The following THEMIS variants were observed in gnomAD, a reference collection of about 807,000 sequenced individuals.
THEMIS encodes protein THEMIS.
A neutral mutation model predicts 52.6 loss-of-function variants in THEMIS; 37 were observed. That is an observed-to-expected ratio of 0.70 (90% confidence interval 0.54 to 0.93). The LOEUF (loss-of-function observed/expected upper bound fraction) is 0.93. Ranked by LOEUF, THEMIS falls within the 40% of genes least tolerant of loss-of-function variation. The probability of loss-of-function intolerance (pLI) is 0.00; values close to 1 mark genes in which losing one functional copy is unlikely to be tolerated. For missense variants in THEMIS, 808 were observed against 763.1 expected (o/e 1.06, Z -0.69); for synonymous variants, 292 against 272.7 (o/e 1.07, Z -0.70).
Position 127,829,241 on chromosome 6 carries a change from T to C in THEMIS, c.709+235A>G, listed in dbSNP as rs560705838. Among the ~76,000 whole-genome samples the C allele has an allele frequency of 2.2e-4, 34 of 152,362 alleles. 1 individual carries two copies. In the South Asian group the frequency reaches 6.4e-3, roughly 29 times the overall value. Reference sequence around the variant, plus strand: ...TTGATCTGTCTGTTCCTGATAGTTATAGCACCTCATATGTGAATAGCACCA... The same window carrying C: ...TTGATCTGTCTGTTCCTGATAGTTACAGCACCTCATATGTGAATAGCACCA... On this transcript the variant is annotated intron_variant, in intron 3 of 5. Coordinates refer to ENST00000368248, the MANE Select transcript of THEMIS (RefSeq NM_001010923.3).
At chr6:127,756,994 C>T (rs796518797) in intron 4 of THEMIS, among the ~76,000 whole-genome samples, 6 of 152,194 alleles carry the variant, frequency 3.9e-5, no homozygotes, top group African/African-American at 1.4e-4. Context: ...ATCTGTACTT[C>T]AAGTAAAAAA....
intron 4 of THEMIS, among the ~76,000 whole-genome samples, chr6:127,772,682 T>C (rs956139888): frequency 3.9e-5 from 6 of 152,156 alleles, no homozygotes; most frequent in Non-Finnish European, 8.8e-5. Flanking sequence ...TCAACCTATT[T>C]AGTAGGCATG....
chr6:127,705,487 C>G (rs1016514363), downstream of THEMIS, among the ~76,000 whole-genome samples: 2 of 152,160 alleles, frequency 1.3e-5, no homozygotes, highest in African/African-American at 4.8e-5. Flanking sequence ...TTGGCCCTCT[C>G]CCTGATAAGT....
At chr6:127,793,602 CA>C (rs1777227779) in intron 4 of THEMIS, among the ~76,000 whole-genome samples, 1 of 152,192 alleles carries the variant, frequency 6.6e-6, no homozygotes, top group Non-Finnish European at 1.5e-5. Flanking sequence ...TACCATCCCT[CA>C]AAATACCGCA....
At chr6:127,864,190 T>C (rs903676780) in intron 1 of THEMIS, among the ~76,000 whole-genome samples, 2 of 152,032 alleles carry the variant, frequency 1.3e-5, no homozygotes, top group African/African-American at 2.4e-5. Context: ...TATAGTAGAT[T>C]ATAGACCAAG....
intron 1 of THEMIS, among the ~76,000 whole-genome samples, chr6:127,857,528 A>C (rs1014887094): frequency 2.0e-5 from 3 of 152,068 alleles, no homozygotes; most frequent in Non-Finnish European, 4.4e-5. Context: ...TTATTGATTC[A>C]TTATCAATAA....
At chr6:127,791,807 G>C (rs531908739) in intron 4 of THEMIS, among the ~76,000 whole-genome samples, 14 of 152,322 alleles carry the variant, frequency 9.2e-5, no homozygotes, top group African/African-American at 3.1e-4. Context: ...TAGGGGGCTG[G>C]TGTTTCAGTG....
intron 2 of THEMIS, among the ~76,000 whole-genome samples, chr6:127,842,466 T>C (rs1779080965): frequency 1.3e-5 from 2 of 152,034 alleles, no homozygotes; most frequent in South Asian, 4.1e-4. Context: ...ATTAATTCAA[T>C]TTCTGTCATC....
At chr6:127,752,773 C>T (rs1775691341) in intron 4 of THEMIS, among the ~76,000 whole-genome samples, 1 of 151,770 alleles carries the variant, frequency 6.6e-6, no homozygotes, top group Admixed American at 6.6e-5. Flanking sequence ...ACCAATTCTT[C>T]TCAAACTCTT....
chr6:127,859,775 A>G (rs545049439), intron 1 of THEMIS, among the ~76,000 whole-genome samples: 1 of 152,192 alleles, frequency 6.6e-6, no homozygotes, highest in South Asian at 2.1e-4. Context: ...GTTTGCATAA[A>G]GAGGGAGCTC....
intron 4 of THEMIS, among the ~76,000 whole-genome samples, chr6:127,778,953 G>A (rs956038445): frequency 4.0e-5 from 6 of 151,750 alleles, no homozygotes; most frequent in African/African-American, 1.2e-4. Flanking sequence ...CTGCACAGAA[G>A]CAGATTCATC....
intron 1 of THEMIS, among the ~76,000 whole-genome samples, chr6:127,916,219 G>C (rs1781524389): frequency 1.3e-5 from 2 of 151,196 alleles, no homozygotes; most frequent in Admixed American, 1.3e-4. Context: ...AATAAACCTA[G>C]GGAATGAGTT....
At chr6:127,725,450 C>G (rs540462840) in intron 4 of THEMIS, among the ~76,000 whole-genome samples, 63 of 148,824 alleles carry the variant, frequency 4.2e-4, no homozygotes, top group African/African-American at 1.4e-3. Flanking sequence ...GTGTGTGTGT[C>G]TGTGTGTGTG....
At chr6:127,916,991 T>C (rs976026231) in intron 1 of THEMIS, among the ~76,000 whole-genome samples, 1 of 152,190 alleles carries the variant, frequency 6.6e-6, no homozygotes, top group African/African-American at 2.4e-5. Context: ...AACTTCAAGA[T>C]TAGGACTAGA....
chr6:127,775,521 T>C (rs1776536288), intron 4 of THEMIS, among the ~76,000 whole-genome samples: 1 of 152,246 alleles, frequency 6.6e-6, no homozygotes, highest in Non-Finnish European at 1.5e-5. Context: ...TCAACCAAAT[T>C]ACAACCATAG....
intron 4 of THEMIS, among the ~76,000 whole-genome samples, chr6:127,811,292 C>G (rs1238049864): frequency 1.3e-5 from 2 of 152,152 alleles, no homozygotes; most frequent in Non-Finnish European, 2.9e-5. Flanking sequence ...CTAGCTAAAA[C>G]CAGTGTTGTC....
chr6:127,916,088 A>C (rs1781520359), intron 1 of THEMIS, among the ~76,000 whole-genome samples: 1 of 152,106 alleles, frequency 6.6e-6, no homozygotes. Flanking sequence ...GTCTGCCCAA[A>C]GTTACAAAAT....
At chr6:127,827,653 G>A (rs1778551989) in intron 3 of THEMIS, among the ~76,000 whole-genome samples, 1 of 152,082 alleles carries the variant, frequency 6.6e-6, no homozygotes, top group Non-Finnish European at 1.5e-5. Context: ...CCAGGAGGCT[G>A]GGAACAAGTT....
intron 1 of THEMIS, among the ~76,000 whole-genome samples, chr6:127,871,443 C>T (rs1780154892): frequency 6.6e-6 from 1 of 151,358 alleles, no homozygotes. Flanking sequence ...GCAATAGCCT[C>T]AAATCAGTAA....
Sources: allele counts gnomAD v4.1 joint callset (sites outside exome capture counted in the v4.1 genomes callset), GRCh38; gene constraint gnomAD v4.1.1; transcripts MANE v1.5; gene names NCBI Gene and HGNC (gene_info 2026-07-23, HGNC 2026-07-21).